COPG2: variants seen among roughly 807,000 people sequenced by gnomAD.
COPG2 encodes coatomer subunit gamma-2.
Under a neutral mutation model 46.3 loss-of-function variants are expected in COPG2, and 37 were observed. The observed-to-expected ratio is 0.80, with a 90% CI of 0.61 to 1.05. COPG2 has a LOEUF of 1.05. Among genes scored for constraint, COPG2 ranks in the 50% least tolerant of loss-of-function variants. COPG2 has a pLI of 0.00. For synonymous variants in COPG2, 159 were observed against 129.7 expected, an observed-to-expected ratio of 1.23 and a Z score of -1.53; for missense variants, 427 against 387.8, an observed-to-expected ratio of 1.10 and a Z score of -0.85.
At chr7:130,569,778 C>T (rs1043278325) in intron 9 of COPG2, among the ~76,000 whole-genome samples, 148 of 152,204 alleles carry the variant, frequency 9.7e-4, no homozygotes, top group African/African-American at 3.2e-3. Context: ...AGACCAATAT[C>T]CCTGATGAAC....
chr7:130,523,097 C>T (rs1296336712), intron 20 of COPG2, among the ~76,000 whole-genome samples: 14 of 97,960 alleles, frequency 1.4e-4, no homozygotes, highest in East Asian at 3.5e-4. Flanking sequence ...CAGCCTTGGG[C>T]GACAGAGTGA....
chr7:130,568,231 C>T (rs1256527095), intron 9 of COPG2, among the ~76,000 whole-genome samples: 3 of 152,026 alleles, frequency 2.0e-5, no homozygotes, highest in East Asian at 1.9e-4. Context: ...GCCAAGATCG[C>T]GCCATTGCAC....
At chr7:130,578,849 G>C (rs1794070924) in intron 9 of COPG2, among the ~76,000 whole-genome samples, 1 of 149,080 alleles carries the variant, frequency 6.7e-6, no homozygotes. Flanking sequence ...GGGACTATGT[G>C]AAAAGACCAA....
chr7:130,554,815 A>T, intron 13 of COPG2, 91 bp from the exon 14 acceptor site: 1 of 398,110 alleles, frequency 2.5e-6, no homozygotes. Context: ...ATAATATTCA[A>T]ATTTCATTTC....
intron 5 of COPG2, among the ~76,000 whole-genome samples, chr7:130,617,584 G>A (rs1412376915): frequency 6.6e-6 from 1 of 152,196 alleles, no homozygotes; most frequent in Non-Finnish European, 1.5e-5. Context: ...AACAGGCAGA[G>A]GTGTGAACTA....
intron 8 of COPG2, 145 bp from the exon 9 acceptor site, chr7:130,611,255 T>C (rs1194654961): frequency 1.4e-6 from 1 of 723,546 alleles, no homozygotes; most frequent in Admixed American, 2.9e-5. Context: ...CACACTGAAC[T>C]AAACACAGGC....
intron 4 of COPG2, among the ~76,000 whole-genome samples, chr7:130,657,537 T>G (rs1448470410): frequency 6.6e-6 from 1 of 152,078 alleles, no homozygotes; most frequent in African/African-American, 2.4e-5. Context: ...TTTGATAAAC[T>G]GGACTTCATC....
intron 12 of COPG2, among the ~76,000 whole-genome samples, chr7:130,559,084 T>C (rs1194442413): frequency 6.6e-6 from 1 of 152,110 alleles, no homozygotes; most frequent in Non-Finnish European, 1.5e-5. Flanking sequence ...CTTTTGCATG[T>C]CCAAAGACAT....
chr7:130,534,770 C>T (rs926291108), intron 20 of COPG2, among the ~76,000 whole-genome samples: 4 of 151,958 alleles, frequency 2.6e-5, no homozygotes, highest in African/African-American at 7.3e-5. Flanking sequence ...AAAGAGGAAA[C>T]GGTGGATCTG....
chr7:130,651,380 G>A (rs1245328596), intron 5 of COPG2, among the ~76,000 whole-genome samples: 4 of 150,064 alleles, frequency 2.7e-5, no homozygotes, highest in East Asian at 2.0e-4. Flanking sequence ...GCAGTGGCAC[G>A]ATCTCGGCTC....
At chr7:130,512,323 A>C (rs1402250959) in intron 20 of COPG2, among the ~76,000 whole-genome samples, 2 of 151,756 alleles carry the variant, frequency 1.3e-5, no homozygotes, top group African/African-American at 2.4e-5. Flanking sequence ...AAAAAAAAAA[A>C]CAAAAAACAA....
intron 5 of COPG2, among the ~76,000 whole-genome samples, chr7:130,620,748 G>T (rs555946844): frequency 6.6e-6 from 1 of 152,252 alleles, no homozygotes; most frequent in African/African-American, 2.4e-5. Context: ...TGGGACTTTT[G>T]AGTTATAATA....
chr7:130,626,400 A>ATTTTTTTT (rs60484682), intron 5 of COPG2, among the ~76,000 whole-genome samples: 4 of 119,842 alleles, frequency 3.3e-5, no homozygotes, highest in Admixed American at 8.7e-5. Context: ...CACCAGGCTA[A>ATTTTTTTT]TTTTTTTTTT....
intron 20 of COPG2, among the ~76,000 whole-genome samples, chr7:130,513,697 AC>A (rs1270407026): frequency 1.3e-5 from 2 of 152,120 alleles, no homozygotes; most frequent in Non-Finnish European, 2.9e-5. Context: ...AGTGGCAGGA[AC>A]CCTATGAAGG....
chr7:130,646,957 G>A (rs948152485), intron 5 of COPG2, among the ~76,000 whole-genome samples: 2 of 112,388 alleles, frequency 1.8e-5, no homozygotes, highest in East Asian at 4.4e-4. Flanking sequence ...ATATATATAT[G>A]CATATATATA....
At position 130,668,636 on chromosome 7, in the gene COPG2, C is replaced by G; in HGVS notation, c.33G>C (p.Glu11Asp). 1 of 1,540,408 alleles carries G rather than the reference C, an allele frequency of 6.5e-7. No homozygotes were observed. Among genetic ancestry groups the G allele is most frequent in the Non-Finnish European group, 8.7e-7 (1 of 1,145,890 alleles). The change falls in exon 1 of 24, where the codon GAG becomes GAC. Residue 11 changes from glutamate to aspartate, a missense_variant. By Grantham distance (45) the Glu-to-Asp change is conservative (BLOSUM62 2). Transcript: ENST00000425248. ...CCTCGGAAGCCCCGCGCGTACCAGA[C>G]TCCTCGTCCTTCTTGTCGAATTTTT... MIKKFDKKDEESGSGSNPFQH... is the reference protein window; with the variant it reads MIKKFDKKDEDSGSGSNPFQH...
chr7:130,651,610 G>A (rs1403522273), intron 5 of COPG2, among the ~76,000 whole-genome samples: 2 of 140,344 alleles, frequency 1.4e-5, no homozygotes, highest in African/African-American at 2.6e-5. Context: ...TCCGCTTCCC[G>A]GGTTCACGCC....
chr7:130,569,826 A>T (rs1793865529), intron 9 of COPG2, among the ~76,000 whole-genome samples: 1 of 152,176 alleles, frequency 6.6e-6, no homozygotes, highest in African/African-American at 2.4e-5. Flanking sequence ...TAACTAACCA[A>T]ATTCAACAGC....
chr7:130,578,729 A>C (rs1794067370), intron 9 of COPG2, among the ~76,000 whole-genome samples: 1 of 152,204 alleles, frequency 6.6e-6, no homozygotes, highest in African/African-American at 2.4e-5. Context: ...AATGCGATCA[A>C]CTGGAAGAAA....
Sources: allele counts gnomAD v4.1 joint callset (sites outside exome capture counted in the v4.1 genomes callset), GRCh38; gene constraint gnomAD v4.1.1; transcripts MANE v1.5; gene names NCBI Gene and HGNC (gene_info 2026-07-23, HGNC 2026-07-21).